The following C10orf90 variants were observed in gnomAD, a reference collection of about 807,000 sequenced individuals.
The protein encoded by C10orf90 is (E2-independent) E3 ubiquitin-conjugating enzyme FATS.
A neutral mutation model predicts 62.5 loss-of-function variants in C10orf90; 56 were observed. The ratio of observed to expected loss-of-function variants is 0.90; its 90% CI spans 0.72 to 1.12. The LOEUF is 1.12. C10orf90 is among the 50% of genes most tolerant of loss of function. The pLI, the probability that C10orf90 is intolerant of heterozygous loss-of-function variation, is 0.00. For synonymous variants in C10orf90, 386 were observed against 340.4 expected, an observed-to-expected ratio of 1.13 and a Z score of -1.47; for missense variants, 970 against 880.4, an observed-to-expected ratio of 1.10 and a Z score of -1.29.
chr10:126,556,865 G>A (rs1564870275), intron 2 of C10orf90, among the ~76,000 whole-genome samples: 2 of 152,068 alleles, frequency 1.3e-5, no homozygotes, highest in Admixed American at 6.5e-5. Context: ...TGACCTGTGG[G>A]GAAGGCAGAA....
At chr10:126,507,283 A>G (rs1463229888) in intron 3 of C10orf90, among the ~76,000 whole-genome samples, 1 of 148,170 alleles carries the variant, frequency 6.7e-6, no homozygotes, top group Non-Finnish European at 1.5e-5. Flanking sequence ...CGTGAACCCG[A>G]GAGACGGAGC....
intron 2 of C10orf90, among the ~76,000 whole-genome samples, chr10:126,555,084 CTG>C (rs1210299629): frequency 3.9e-5 from 6 of 152,182 alleles, no homozygotes; most frequent in African/African-American, 1.4e-4. Flanking sequence ...GATGTGGCGT[CTG>C]CACATTATCA....
chr10:126,602,955 A>G (rs574911068), intron 2 of C10orf90, among the ~76,000 whole-genome samples: 1 of 151,882 alleles, frequency 6.6e-6, no homozygotes, highest in Admixed American at 6.6e-5. Flanking sequence ...AGAGGGACAG[A>G]GTTGGGGAGA....
At chr10:126,603,268 C>G (rs1040167324) in intron 2 of C10orf90, among the ~76,000 whole-genome samples, 3 of 152,024 alleles carry the variant, frequency 2.0e-5, no homozygotes, top group Admixed American at 2.0e-4. Context: ...TGGCAGAAGG[C>G]GAAGCAAACA....
intron 5 of C10orf90, among the ~76,000 whole-genome samples, chr10:126,464,279 G>T (rs1163430904): frequency 6.6e-6 from 1 of 152,136 alleles, no homozygotes; most frequent in Non-Finnish European, 1.5e-5. Context: ...AAGCGCTGGG[G>T]ACCTGTGGAA....
chr10:126,565,320 ATT>A (rs1195646949), intron 2 of C10orf90, among the ~76,000 whole-genome samples: 8 of 59,502 alleles, frequency 1.3e-4, no homozygotes, highest in African/African-American at 7.7e-5. Context: ...TATTATATAT[ATT>A]ATATATTTAT....
chr10:126,476,526 C>T (rs935709625), intron 4 of C10orf90, among the ~76,000 whole-genome samples: 6 of 152,206 alleles, frequency 3.9e-5, no homozygotes, highest in African/African-American at 1.4e-4. Context: ...CTGACCCCAG[C>T]TGGTTTTCTC....
intron 2 of C10orf90, among the ~76,000 whole-genome samples, chr10:126,527,532 C>T (rs972106164): frequency 4.6e-5 from 7 of 152,230 alleles, no homozygotes; most frequent in Admixed American, 6.5e-5. Context: ...ATCTCTGCAC[C>T]TTCAATGGCA....
At chr10:126,536,069 C>A (rs929382327) in intron 2 of C10orf90, among the ~76,000 whole-genome samples, 1 of 152,168 alleles carries the variant, frequency 6.6e-6, no homozygotes, top group African/African-American at 2.4e-5. Context: ...GCCCACCATC[C>A]GCAAGATTTG....
chr10:126,565,822 G>A (rs560540915), intron 2 of C10orf90, among the ~76,000 whole-genome samples: 4 of 152,076 alleles, frequency 2.6e-5, no homozygotes, highest in African/African-American at 4.8e-5. Flanking sequence ...TCCTCCACCC[G>A]CTGTTTTGAG....
intron 2 of C10orf90, among the ~76,000 whole-genome samples, chr10:126,643,734 T>C (rs1846110653): frequency 6.6e-6 from 1 of 152,214 alleles, no homozygotes; most frequent in African/African-American, 2.4e-5. Flanking sequence ...AATAGTGGGT[T>C]TCTGGTCTCC....
chr10:126,449,632 TA>T (rs1859038625), intron 7 of C10orf90, among the ~76,000 whole-genome samples: 1 of 152,062 alleles, frequency 6.6e-6, no homozygotes, highest in South Asian at 2.1e-4. Context: ...TAGAAACCCC[TA>T]AAAACTCCAC....
intron 1 of C10orf90, among the ~76,000 whole-genome samples, chr10:126,669,606 T>C (rs2133883325): frequency 6.6e-6 from 1 of 152,322 alleles, no homozygotes; most frequent in African/African-American, 2.4e-5. Flanking sequence ...GATAACTGCT[T>C]GTGGCTGATA....
At chr10:126,451,897 G>A (rs1249161450) in intron 7 of C10orf90, among the ~76,000 whole-genome samples, 1 of 152,146 alleles carries the variant, frequency 6.6e-6, no homozygotes, top group Admixed American at 6.5e-5. Context: ...TAGAAGTAGA[G>A]AGTAGAATGT....
chr10:126,626,891 C>G (rs544910751), intron 2 of C10orf90, among the ~76,000 whole-genome samples: 1 of 152,324 alleles, frequency 6.6e-6, no homozygotes, highest in African/African-American at 2.4e-5. Flanking sequence ...TCAGCAGCTG[C>G]CTCCGCTGCC....
chr10:126,576,383 G>GT, intron 2 of C10orf90, among the ~76,000 whole-genome samples: 1 of 151,100 alleles, frequency 6.6e-6, no homozygotes, highest in African/African-American at 2.5e-5. Context: ...TCTCACTCTA[G>GT]TTAAAATGGC....
At chr10:126,614,421 T>C (rs1845499021) in intron 2 of C10orf90, among the ~76,000 whole-genome samples, 1 of 152,174 alleles carries the variant, frequency 6.6e-6, no homozygotes, top group African/African-American at 2.4e-5. Flanking sequence ...CTTCAGTGGA[T>C]TCAGGGTTAG....
chr10:126,600,758 G>A (rs1265968773), intron 2 of C10orf90, among the ~76,000 whole-genome samples: 1 of 152,172 alleles, frequency 6.6e-6, no homozygotes, highest in African/African-American at 2.4e-5. Context: ...GTATGTGTGT[G>A]TGTTTCCTCA....
intron 2 of C10orf90, among the ~76,000 whole-genome samples, chr10:126,589,509 C>T (rs2134026324): frequency 6.6e-6 from 1 of 152,300 alleles, no homozygotes; most frequent in Non-Finnish European, 1.5e-5. Flanking sequence ...GCAGATCTCT[C>T]AGCAGAAACC....
Sources: gnomAD v4.1 joint callset for allele counts (sites outside exome capture counted in the v4.1 genomes callset) on GRCh38, gnomAD v4.1.1 for gene constraint, MANE v1.5 for transcripts, NCBI Gene and HGNC (gene_info 2026-07-23, HGNC 2026-07-21) for gene names.